Variants in PDLIM5 observed in about 807,000 individuals in gnomAD.
PDLIM5 encodes the protein PDZ and LIM domain 5, also known as PDZ and LIM domain protein 5.
A neutral mutation model predicts 64.2 loss-of-function variants in PDLIM5; 34 were observed. That is an observed-to-expected ratio of 0.53 (90% CI 0.40 to 0.71). The LOEUF is 0.71. PDLIM5 is among the 30% of genes least tolerant of loss of function. The pLI, the probability that PDLIM5 is intolerant of heterozygous loss-of-function variation, is 0.00. For missense variants in PDLIM5, 683 were observed against 733.6 expected (o/e 0.93, Z 0.80); for synonymous variants, 253 against 269.1 (o/e 0.94, Z 0.59).
intron 8 of PDLIM5, among the ~76,000 whole-genome samples, chr4:94,631,446 T>G (rs1332827417): frequency 3.9e-5 from 6 of 152,052 alleles, no homozygotes; most frequent in Non-Finnish European, 5.9e-5. Flanking sequence ...TCAAGGAAAA[T>G]AAAATAATAA....
chr4:94,485,944 G>A (rs1162982762), intron 2 of PDLIM5, among the ~76,000 whole-genome samples: 1 of 152,040 alleles, frequency 6.6e-6, no homozygotes, highest in Non-Finnish European at 1.5e-5. Context: ...GTGGTGAAAG[G>A]TCAGTCAATT....
At chr4:94,507,609 T>C (rs1219209383) in intron 2 of PDLIM5, among the ~76,000 whole-genome samples, 1 of 152,184 alleles carries the variant, frequency 6.6e-6, no homozygotes, top group Non-Finnish European at 1.5e-5. Flanking sequence ...AAAATATTGG[T>C]CTCAGCATTC....
chr4:94,468,688 A>G (rs574357042), intron 2 of PDLIM5, among the ~76,000 whole-genome samples: 1 of 152,272 alleles, frequency 6.6e-6, no homozygotes, highest in East Asian at 1.9e-4. Flanking sequence ...TTTAGGAAAA[A>G]CATAATTGAG....
At chr4:94,616,203 C>T (rs1206099554) in intron 7 of PDLIM5, among the ~76,000 whole-genome samples, 1 of 151,934 alleles carries the variant, frequency 6.6e-6, no homozygotes, top group African/African-American at 2.4e-5. Flanking sequence ...AAATCAAATC[C>T]GCAAGGGTAA....
At chr4:94,592,934 C>A (rs78118729) in intron 7 of PDLIM5, among the ~76,000 whole-genome samples, 5,933 of 152,208 alleles carry the variant, frequency 0.039, 191 homozygotes, top group Middle Eastern at 0.11. Context: ...TTCCTTCCCA[C>A]AATCATACAT....
chr4:94,455,102 T>C, intron 1 of PDLIM5, 145 bp from the exon 2 acceptor site: 1 of 499,592 alleles, frequency 2.0e-6, no homozygotes, highest in South Asian at 4.2e-5. Flanking sequence ...CACAGATTGC[T>C]TTTCTTAAAC....
chr4:94,611,110 T>G, intron 7 of PDLIM5: 1 of 1,532,544 alleles, frequency 6.5e-7, no homozygotes, highest in Middle Eastern at 1.7e-4. Flanking sequence ...CTGGATGCAC[T>G]TTGCATCAGC....
rs1490260353 is a variant in PDLIM5 at position 94,587,400 on chromosome 4, GGTTA to G, written c.920+960_920+963del. 14 of 1,078,774 alleles carry G rather than the reference GGTTA, an allele frequency of 1.3e-5. No individual in the cohort carries two copies. In the South Asian group the frequency reaches 2.3e-4, roughly 18 times the overall value. The allele number at this position is 1,078,774 out of a possible 1,614,324, so 66.8% of individuals were successfully genotyped here. On this transcript the variant is annotated intron_variant, in intron 7 of 12. Coordinates refer to ENST00000317968, the MANE Select transcript of PDLIM5 (RefSeq NM_006457.5). ...CGAATTATTTTCATAAGTTGAATTT[GGTTA>G]GTTGGTTGGTTGAAGCAGAGGATAA...
At chr4:94,658,888 G>A (rs527447850) in intron 11 of PDLIM5, among the ~76,000 whole-genome samples, 3 of 151,794 alleles carry the variant, frequency 2.0e-5, no homozygotes, top group Non-Finnish European at 4.4e-5. Flanking sequence ...GAAAGGGCTG[G>A]GTTTTGTTTG....
At position 94,663,953 on chromosome 4, in the gene PDLIM5, C is replaced by A. The variant is rs767283722; in HGVS notation, c.1702-25C>A. The A allele has an allele frequency of 5.0e-6, 8 of 1,586,044 alleles. No individual in the cohort carries two copies. The South Asian group carries it at 9.1e-5, about 18-fold the overall frequency. On this transcript the variant is annotated intron_variant, in intron 12 of 12. Transcript: ENST00000317968. ...CTCTTAATATCCTCTTAAATAATAT[C>A]TCTTAAATGCTGCTTCTTTTTCAGG...
chr4:94,498,427 T>G (rs1727599250), intron 2 of PDLIM5, among the ~76,000 whole-genome samples: 1 of 152,224 alleles, frequency 6.6e-6, no homozygotes, highest in African/African-American at 2.4e-5. Context: ...ACACTTGGAC[T>G]TTCTGAGGAA....
intron 3 of PDLIM5, among the ~76,000 whole-genome samples, chr4:94,553,456 A>G (rs1019661366): frequency 2.5e-4 from 38 of 152,184 alleles, no homozygotes; most frequent in Admixed American, 2.4e-3. Flanking sequence ...TTGCGATAGT[A>G]CTTCTCTTGC....
At chr4:94,601,190 G>A (rs1737459947) in intron 7 of PDLIM5, among the ~76,000 whole-genome samples, 1 of 152,174 alleles carries the variant, frequency 6.6e-6, no homozygotes, top group Non-Finnish European at 1.5e-5. Context: ...AGTCAAGATC[G>A]AGGTACCTGT....
rs77661782 is a variant in PDLIM5 at position 94,585,122 on chromosome 4, G to A, written c.711-443G>A. 7.2e-3 allele frequency: 4,336 copies of A among 600,910 alleles called. 86 individuals are homozygous for A. Among genetic ancestry groups the A allele is most frequent in the East Asian group, 0.038 (1,195 of 31,838 alleles). 37.2% of individuals were successfully genotyped at this position (600,910 alleles called of 1,614,324 possible). A position where few individuals can be genotyped will look rare whatever the true frequency, so the allele number is the denominator to read the frequency against. ...TTGTTTTTTTGTGAAACAGAGTCTC[G>A]CTCTGTTGCCCAGGCTGGAGTGCAG... On this transcript the variant is annotated intron_variant, in intron 5 of 12. Coordinates refer to ENST00000317968, the MANE Select transcript of PDLIM5 (RefSeq NM_006457.5).
At chr4:94,609,231 T>C (rs1268720850) in intron 7 of PDLIM5, among the ~76,000 whole-genome samples, 2 of 152,164 alleles carry the variant, frequency 1.3e-5, no homozygotes, top group Non-Finnish European at 2.9e-5. Flanking sequence ...GTGGTCATAC[T>C]GTAGTGATGA....
At chr4:94,544,856 C>A (rs1485980767) in intron 3 of PDLIM5, among the ~76,000 whole-genome samples, 1 of 152,136 alleles carries the variant, frequency 6.6e-6, no homozygotes, top group Non-Finnish European at 1.5e-5. Flanking sequence ...CTTAGGTAAC[C>A]TCTGTTTTGG....
chr4:94,604,656 A>G (rs1427530417), intron 7 of PDLIM5, among the ~76,000 whole-genome samples: 1 of 152,030 alleles, frequency 6.6e-6, no homozygotes, highest in Non-Finnish European at 1.5e-5. Context: ...TAAAGTAGTC[A>G]TCTTCATAGA....
chr4:94,534,071 A>C lies in PDLIM5; in HGVS notation c.248+10196A>C, dbSNP rs572267311. Among the ~76,000 whole-genome samples, 27 of 152,338 alleles carry C rather than the reference A, an allele frequency of 1.8e-4. No homozygotes were observed. The South Asian group carries it at 3.5e-3, about 20-fold the overall frequency. Reference sequence around the variant, plus strand: ...ACCAATAATTTATGGCCCATCTGGCAGGAAAGATAGTGGCAGCAAAGAGAA... The same window carrying C: ...ACCAATAATTTATGGCCCATCTGGCCGGAAAGATAGTGGCAGCAAAGAGAA... On this transcript the variant is annotated intron_variant, in intron 3 of 12. Transcript: ENST00000317968.
intron 2 of PDLIM5, among the ~76,000 whole-genome samples, chr4:94,471,976 T>C (rs573068270): frequency 8.6e-5 from 13 of 151,752 alleles, no homozygotes; most frequent in African/African-American, 3.1e-4. Context: ...TTTGTACTTA[T>C]AAAGACCTTA....
Sources: allele counts gnomAD v4.1 joint callset (sites outside exome capture counted in the v4.1 genomes callset), GRCh38; gene constraint gnomAD v4.1.1; transcripts MANE v1.5; gene names NCBI Gene and HGNC (gene_info 2026-07-23, HGNC 2026-07-21).